The following LINGO2 variants were observed in gnomAD, a reference collection of about 807,000 sequenced individuals.
The protein encoded by LINGO2 is leucine-rich repeat and immunoglobulin-like domain-containing nogo receptor-interacting protein 2.
A neutral mutation model predicts 30.6 loss-of-function variants in LINGO2; 14 were observed. The ratio of observed to expected loss-of-function variants is 0.46; its 90% CI spans 0.30 to 0.72. The LOEUF is 0.72. LINGO2 is among the 30% of genes least tolerant of loss of function. LINGO2 has a pLI of 0.07. For synonymous variants in LINGO2, 317 were observed against 288.5 expected (o/e 1.10, Z -1.00); for missense variants, 729 against 751.7 (o/e 0.97, Z 0.35).
the LINGO2 span, among the ~76,000 whole-genome samples, chr9:29,022,673 C>T: frequency 6.6e-6 from 1 of 152,254 alleles, no homozygotes; most frequent in African/African-American, 2.4e-5. Flanking sequence ...CCTCCTTATG[C>T]ACTGACTTTT....
At chr9:28,882,898 A>G in the LINGO2 span, among the ~76,000 whole-genome samples, 1 of 152,198 alleles carries the variant, frequency 6.6e-6, no homozygotes, top group East Asian at 1.9e-4. Context: ...CTCCTGAGCT[A>G]TTGTAATAGT....
chr9:28,969,199 G>T, the LINGO2 span, among the ~76,000 whole-genome samples: 1 of 152,028 alleles, frequency 6.6e-6, no homozygotes, highest in Non-Finnish European at 1.5e-5. Context: ...AATAAAAAGA[G>T]CAGATTAAGG....
At chr9:28,675,905 G>GTA in the LINGO2 span, among the ~76,000 whole-genome samples, 9,179 of 125,878 alleles carry the variant, frequency 0.073, 464 homozygotes, top group Admixed American at 0.19. Context: ...GTGTGTGTAT[G>GTA]TATATATATA....
chr9:29,075,719 A>G, the LINGO2 span, among the ~76,000 whole-genome samples: 1 of 152,142 alleles, frequency 6.6e-6, no homozygotes, highest in Non-Finnish European at 1.5e-5. Flanking sequence ...TCGAAGAGAC[A>G]AGGGCCATAT....
At chr9:28,662,331 A>G (rs1182508257) in intron 1 of LINGO2, among the ~76,000 whole-genome samples, 2 of 152,302 alleles carry the variant, frequency 1.3e-5, no homozygotes, top group East Asian at 3.9e-4. Flanking sequence ...TATTTAGGCT[A>G]CAAGCAAAGG....
At chr9:28,908,925 T>C in the LINGO2 span, among the ~76,000 whole-genome samples, 6 of 151,910 alleles carry the variant, frequency 3.9e-5, no homozygotes, top group South Asian at 1.0e-3. Context: ...TGTCTTTTGA[T>C]TTGGTATGTT....
At chr9:28,159,186 AAG>A (rs150320614) in intron 4 of LINGO2, among the ~76,000 whole-genome samples, 5,823 of 152,278 alleles carry the variant, frequency 0.038, 348 homozygotes, top group African/African-American at 0.13. Flanking sequence ...TTTAAAACAT[AAG>A]AATTTTAGTT....
intron 4 of LINGO2, among the ~76,000 whole-genome samples, chr9:28,224,086 A>G (rs1821060275): frequency 6.6e-6 from 1 of 151,942 alleles, no homozygotes; most frequent in Admixed American, 6.6e-5. Context: ...TTTTTCTGAG[A>G]CGGAGTCTCA....
chr9:28,833,279 G>T, the LINGO2 span, among the ~76,000 whole-genome samples: 1 of 152,142 alleles, frequency 6.6e-6, no homozygotes, highest in African/African-American at 2.4e-5. Context: ...ATCGTAGAAT[G>T]TGGAACTAAT....
At chr9:29,043,952 C>A in the LINGO2 span, among the ~76,000 whole-genome samples, 6 of 152,134 alleles carry the variant, frequency 3.9e-5, no homozygotes, top group Admixed American at 2.6e-4. Context: ...AACTCATTCA[C>A]CAGCTATTGC....
intron 4 of LINGO2, among the ~76,000 whole-genome samples, chr9:28,014,386 C>G (rs1042128754): frequency 6.6e-6 from 1 of 152,148 alleles, no homozygotes; most frequent in African/African-American, 2.4e-5. Flanking sequence ...CATACATATG[C>G]AAGCACCTAG....
the LINGO2 span, among the ~76,000 whole-genome samples, chr9:28,776,063 T>A: frequency 2.0e-4 from 31 of 152,302 alleles, no homozygotes; most frequent in Non-Finnish European, 3.2e-4. Flanking sequence ...AGAGTAGGTT[T>A]GTTTATTAAC....
intron 1 of LINGO2, among the ~76,000 whole-genome samples, chr9:28,491,613 A>C (rs1458647718): frequency 6.6e-6 from 1 of 152,216 alleles, no homozygotes; most frequent in African/African-American, 2.4e-5. Flanking sequence ...ACTTTAAAAT[A>C]AAATTAAACC....
the LINGO2 span, among the ~76,000 whole-genome samples, chr9:29,142,428 T>C: frequency 3.9e-5 from 6 of 151,932 alleles, no homozygotes; most frequent in South Asian, 2.1e-4. Context: ...ATTGAGAAGT[T>C]TTTATTAAAT....
At chr9:27,956,345 T>C (rs923138541) in intron 5 of LINGO2, among the ~76,000 whole-genome samples, 1 of 152,210 alleles carries the variant, frequency 6.6e-6, no homozygotes, top group African/African-American at 2.4e-5. Context: ...TTATTGCCCA[T>C]TTAGGTAGAT....
intron 1 of LINGO2, among the ~76,000 whole-genome samples, chr9:28,616,261 C>G (rs1160953441): frequency 6.6e-6 from 1 of 152,110 alleles, no homozygotes; most frequent in Non-Finnish European, 1.5e-5. Context: ...AAAATATACT[C>G]TTTCTAGTAA....
At chr9:28,823,736 C>T in the LINGO2 span, among the ~76,000 whole-genome samples, 1 of 152,164 alleles carries the variant, frequency 6.6e-6, no homozygotes, top group Admixed American at 6.5e-5. Flanking sequence ...AATGACTTAT[C>T]TTGAAAGTGG....
At chr9:28,552,081 C>A (rs1822316218) in intron 1 of LINGO2, among the ~76,000 whole-genome samples, 1 of 151,840 alleles carries the variant, frequency 6.6e-6, no homozygotes, top group Non-Finnish European at 1.5e-5. Context: ...ATCCTTTGCC[C>A]CCATATCCCA....
the LINGO2 span, among the ~76,000 whole-genome samples, chr9:28,826,898 T>C: frequency 6.6e-6 from 1 of 152,108 alleles, no homozygotes; most frequent in African/African-American, 2.4e-5. Flanking sequence ...ACTCCTGCAA[T>C]AGAGTTTTCC....
Sources: gnomAD v4.1 joint callset for allele counts (sites outside exome capture counted in the v4.1 genomes callset) on GRCh38, gnomAD v4.1.1 for gene constraint, MANE v1.5 for transcripts, NCBI Gene and HGNC (gene_info 2026-07-23, HGNC 2026-07-21) for gene names.